Variants in TCF12 observed in about 807,000 individuals in gnomAD.
The protein encoded by TCF12 is transcription factor 12, also known as DNA-binding protein HTF4.
A neutral mutation model predicts 86.0 loss-of-function variants in TCF12; 45 were observed. That is an observed-to-expected ratio of 0.52 (90% confidence interval 0.41 to 0.67). TCF12 has a LOEUF of 0.67. TCF12 is among the 30% of genes least tolerant of loss of function. TCF12 has a pLI of 0.00. For synonymous variants in TCF12, 330 were observed against 299.6 expected (o/e 1.10, Z -1.05); for missense variants, 881 against 859.9 (o/e 1.02, Z -0.31).
chr15:57,227,111 A>G (rs2058922321), intron 8 of TCF12, among the ~76,000 whole-genome samples: 1 of 152,144 alleles, frequency 6.6e-6, no homozygotes, highest in African/African-American at 2.4e-5. Context: ...CAGCCACCAC[A>G]CAGGCTGTAG....
At chr15:57,138,540 A>G (rs2052722014) in intron 5 of TCF12, among the ~76,000 whole-genome samples, 1 of 958 alleles carries the variant, frequency 1.0e-3, no homozygotes, top group Non-Finnish European at 3.9e-3. Flanking sequence ...TCTGTTTCCT[A>G]TCTAACCGAA....
chr15:56,999,428 A>G (rs572178656), intron 3 of TCF12, among the ~76,000 whole-genome samples: 48 of 152,324 alleles, frequency 3.2e-4, no homozygotes, highest in African/African-American at 1.1e-3. Context: ...ATATCATTAC[A>G]AACTCCACAG....
chr15:57,077,373 G>GTGTA (rs1388253925), intron 4 of TCF12, among the ~76,000 whole-genome samples: 2 of 101,812 alleles, frequency 2.0e-5, no homozygotes, highest in Non-Finnish European at 3.6e-5. Context: ...GTGTGTGTGT[G>GTGTA]TATATATATT....
intron 4 of TCF12, among the ~76,000 whole-genome samples, chr15:57,072,214 A>G (rs578189824): frequency 5.3e-5 from 8 of 152,312 alleles, no homozygotes; most frequent in African/African-American, 1.7e-4. Flanking sequence ...AAAGGGGAAA[A>G]CACAAAACTG....
chr15:57,271,430 C>T (rs992720302), intron 18 of TCF12, among the ~76,000 whole-genome samples: 1 of 152,214 alleles, frequency 6.6e-6, no homozygotes, highest in African/African-American at 2.4e-5. Context: ...CTGCTGGTTG[C>T]GAAGACTGTG....
At chr15:56,933,919 T>A (rs1465769007) in intron 3 of TCF12, among the ~76,000 whole-genome samples, 1 of 151,806 alleles carries the variant, frequency 6.6e-6, no homozygotes, top group African/African-American at 2.4e-5. Flanking sequence ...AAATATATAT[T>A]TCATCAGAAT....
At chr15:57,147,785 C>T (rs1325171424) in intron 5 of TCF12, among the ~76,000 whole-genome samples, 1 of 151,666 alleles carries the variant, frequency 6.6e-6, no homozygotes, top group Non-Finnish European at 1.5e-5. Flanking sequence ...AAGCAGAGTT[C>T]CTAAACTTTA....
At chr15:57,105,901 A>T (rs777074641) in intron 5 of TCF12, among the ~76,000 whole-genome samples, 1 of 152,222 alleles carries the variant, frequency 6.6e-6, no homozygotes, top group Non-Finnish European at 1.5e-5. Context: ...TATGTTCGTT[A>T]TAAGGGGTAT....
chr15:57,158,184 G>A (rs112040603), intron 5 of TCF12, among the ~76,000 whole-genome samples: 1,484 of 134,104 alleles, frequency 0.011, 36 homozygotes, highest in African/African-American at 0.037. Context: ...TCAGAAAGTC[G>A]TTTCTTTTTT....
chr15:57,258,217 C>A (rs1207976637), intron 16 of TCF12, among the ~76,000 whole-genome samples: 2 of 152,076 alleles, frequency 1.3e-5, no homozygotes, highest in African/African-American at 4.8e-5. Context: ...GAGTTCAAGG[C>A]TCCAGTGAGC....
chr15:57,161,839 C>A (rs1476648817), intron 5 of TCF12, among the ~76,000 whole-genome samples: 1 of 152,084 alleles, frequency 6.6e-6, no homozygotes, highest in African/African-American at 2.4e-5. Context: ...TTTATGCTTT[C>A]AAATTATTAT....
chr15:56,987,191 A>T (rs1331355406), intron 3 of TCF12, among the ~76,000 whole-genome samples: 2 of 151,902 alleles, frequency 1.3e-5, no homozygotes, highest in Admixed American at 6.6e-5. Context: ...GGCTCACTGC[A>T]ACCTCCACCT....
chr15:57,188,454 G>T (rs2056802009), intron 6 of TCF12, among the ~76,000 whole-genome samples: 1 of 151,638 alleles, frequency 6.6e-6, no homozygotes, highest in South Asian at 2.1e-4. Flanking sequence ...GCTTTTTTTT[G>T]CAGAAATGAA....
chr15:56,983,243 CTT>C (rs1714895544), intron 3 of TCF12, among the ~76,000 whole-genome samples: 5 of 152,146 alleles, frequency 3.3e-5, no homozygotes, highest in Admixed American at 3.3e-4. Flanking sequence ...GTAAGCCTCT[CTT>C]GGCAAAAGAG....
intron 3 of TCF12, among the ~76,000 whole-genome samples, chr15:57,020,218 G>A (rs906208567): frequency 2.0e-5 from 3 of 152,206 alleles, no homozygotes; most frequent in South Asian, 2.1e-4. Context: ...TATTTACGTA[G>A]CATAGTCTTA....
intron 3 of TCF12, among the ~76,000 whole-genome samples, chr15:56,990,807 T>G (rs2063416742): frequency 5.9e-5 from 9 of 151,552 alleles, no homozygotes; most frequent in Admixed American, 5.9e-4. Context: ...TTCTTTTTTT[T>G]TTTGAGACAG....
At chr15:56,939,967 G>GGTTT (rs1444529366) in intron 3 of TCF12, among the ~76,000 whole-genome samples, 14 of 104,720 alleles carry the variant, frequency 1.3e-4, no homozygotes, top group African/African-American at 5.7e-4. Flanking sequence ...TTAATAGCGT[G>GGTTT]TTTTTTTTTT....
At chr15:57,020,898 A>T (rs2065439228) in intron 3 of TCF12, among the ~76,000 whole-genome samples, 1 of 152,166 alleles carries the variant, frequency 6.6e-6, no homozygotes, top group Non-Finnish European at 1.5e-5. Flanking sequence ...AACCAAGGGG[A>T]ACTATATCAT....
At chr15:57,007,798 C>CTTTCTTTCTT (rs2064506622) in intron 3 of TCF12, among the ~76,000 whole-genome samples, 2 of 134,334 alleles carry the variant, frequency 1.5e-5, no homozygotes, top group African/African-American at 5.5e-5. Flanking sequence ...TTCTCTCTTT[C>CTTTCTTTCTT]TTTCTTTCTT....
Sources: allele counts gnomAD v4.1 joint callset (sites outside exome capture counted in the v4.1 genomes callset), GRCh38; gene constraint gnomAD v4.1.1; transcripts MANE v1.5; gene names NCBI Gene and HGNC (gene_info 2026-07-23, HGNC 2026-07-21).